Variants in ZHX2 observed in about 807,000 individuals in gnomAD.
The protein encoded by ZHX2 is zinc fingers and homeoboxes protein 2.
ZHX2 carries 6 observed loss-of-function variants against 21.9 expected under a neutral mutation model. The observed-to-expected ratio is 0.27, with a 90% CI of 0.15 to 0.54. The LOEUF (loss-of-function observed/expected upper bound fraction) is 0.54, where lower values mean the gene tolerates loss of function less well. Among genes scored for constraint, ZHX2 ranks in the 20% least tolerant of loss-of-function variants. ZHX2 has a pLI of 0.95. For synonymous variants in ZHX2, 434 were observed against 437.1 expected, an observed-to-expected ratio of 0.99 and a Z score of 0.09; for missense variants, 908 against 1,090.7, an observed-to-expected ratio of 0.83 and a Z score of 2.36.
chr8:122,839,702 C>A (rs185015133), intron 1 of ZHX2, among the ~76,000 whole-genome samples: 1 of 152,214 alleles, frequency 6.6e-6, no homozygotes, highest in East Asian at 1.9e-4. Context: ...TATGGTGGCA[C>A]GGGGTGGCAT....
At chr8:122,891,819 A>AGAGTT (rs1321157908) in intron 2 of ZHX2, among the ~76,000 whole-genome samples, 2 of 152,166 alleles carry the variant, frequency 1.3e-5, no homozygotes, top group African/African-American at 2.4e-5. Context: ...AAACTTATCG[A>AGAGTT]GAGTTGTTTT....
chr8:122,841,812 A>G (rs1311581304), intron 1 of ZHX2, among the ~76,000 whole-genome samples: 1 of 152,192 alleles, frequency 6.6e-6, no homozygotes, highest in Non-Finnish European at 1.5e-5. Context: ...GTGTGAGATC[A>G]GATGTTATCC....
At chr8:122,894,214 T>C (rs1820044120) in intron 2 of ZHX2, among the ~76,000 whole-genome samples, 1 of 152,238 alleles carries the variant, frequency 6.6e-6, no homozygotes, top group Non-Finnish European at 1.5e-5. Flanking sequence ...CACTAGGTGC[T>C]AGGCAATGCC....
At chr8:122,839,863 A>T (rs1818587845) in intron 1 of ZHX2, among the ~76,000 whole-genome samples, 1 of 152,154 alleles carries the variant, frequency 6.6e-6, no homozygotes, top group African/African-American at 2.4e-5. Flanking sequence ...AATCTTTTAA[A>T]CTTTGTGTTG....
Position 122,840,494 on chromosome 8 carries a change from G to C in ZHX2, c.-282-22983G>C, listed in dbSNP as rs142712572. On this transcript the variant is annotated intron_variant, in intron 1 of 3. Transcript: ENST00000314393. ...AGGGCCGTTGTGAAGATTAACCATT[G>C]TGATGAGTGCTTGTCATTACATTGC... Among the ~76,000 whole-genome samples, 230 of 152,342 alleles carry C rather than the reference G, an allele frequency of 1.5e-3. 2 individuals are homozygous for C. The highest frequency in any genetic ancestry group is 5.3e-3 in the African/African-American group (222 of 41,582).
At chr8:122,935,817 G>C (rs930794359) in intron 2 of ZHX2, among the ~76,000 whole-genome samples, 1 of 152,138 alleles carries the variant, frequency 6.6e-6, no homozygotes, top group Non-Finnish European at 1.5e-5. Context: ...TTACAGGTGT[G>C]AGCCACCACG....
At position 122,954,037 on chromosome 8, in the gene ZHX2, A is replaced by G. The variant is rs1419714257; in HGVS notation, c.*4+9A>G. On this transcript the variant is annotated intron_variant, in intron 3 of 3. Coordinates refer to ENST00000314393, the MANE Select transcript of ZHX2 (RefSeq NM_014943.5). ...TGGCCAGGCCTAGACAGGTAATTCC[A>G]CCTGCTCACCCAGGCAGCAGGGGAG... The G allele has an allele frequency of 6.4e-7, 1 of 1,563,786 alleles. No individual in the cohort carries two copies.
At chr8:122,851,215 T>G (rs992705150) in intron 1 of ZHX2, among the ~76,000 whole-genome samples, 3 of 151,736 alleles carry the variant, frequency 2.0e-5, no homozygotes, top group Non-Finnish European at 1.5e-5. Flanking sequence ...TAAAATGAAG[T>G]GTGAGAGAAA....
intron 2 of ZHX2, among the ~76,000 whole-genome samples, chr8:122,947,818 AG>A (rs1329355556): frequency 4.0e-5 from 6 of 148,548 alleles, no homozygotes; most frequent in Admixed American, 4.0e-4. Context: ...GGGCGGCGGG[AG>A]AGGGGAGCCG....
chr8:122,845,711 C>A (rs375586742), intron 1 of ZHX2, among the ~76,000 whole-genome samples: 12 of 152,202 alleles, frequency 7.9e-5, no homozygotes, highest in African/African-American at 2.4e-4. Context: ...TGTCCCCACT[C>A]CTGGTGGCCC....
chr8:122,855,227 T>C (rs1818998862), intron 1 of ZHX2, among the ~76,000 whole-genome samples: 1 of 152,212 alleles, frequency 6.6e-6, no homozygotes, highest in African/African-American at 2.4e-5. Flanking sequence ...GGGTGATGCA[T>C]GTAAATGACG....
At chr8:122,861,421 C>T (rs569084492) in intron 1 of ZHX2, among the ~76,000 whole-genome samples, 7 of 152,284 alleles carry the variant, frequency 4.6e-5, no homozygotes, top group Admixed American at 1.3e-4. Flanking sequence ...AACATAATGA[C>T]TCACTGATAA....
chr8:122,905,998 G>A (rs945848423), intron 2 of ZHX2, among the ~76,000 whole-genome samples: 20 of 152,180 alleles, frequency 1.3e-4, no homozygotes, highest in Admixed American at 9.8e-4. Context: ...GTAGTTTCCT[G>A]CAAGAACAGA....
intron 2 of ZHX2, among the ~76,000 whole-genome samples, chr8:122,874,535 G>A (rs1226718070): frequency 6.6e-6 from 1 of 152,090 alleles, no homozygotes; most frequent in Non-Finnish European, 1.5e-5. Context: ...GTTTCACCAC[G>A]ATGGCCAGGC....
rs1680162122 is a variant in ZHX2, at chr8:122,828,931, A to G, written c.-282-34546A>G. On this transcript the variant is annotated intron_variant, in intron 1 of 3. Coordinates refer to ENST00000314393, the MANE Select transcript of ZHX2 (RefSeq NM_014943.5). The surrounding 1 kb of genome is among the most constrained non-coding windows in gnomAD (Gnocchi z 5.2). ...TATTTATCCACTACAAATTGAAGAA[A>G]TTGATCTTTTTTTCAGTTATTAAAA... is the stretch of plus-strand genomic sequence containing the variant. Among the ~76,000 whole-genome samples, 1 of 152,218 alleles carries G rather than the reference A, an allele frequency of 6.6e-6. No homozygotes were observed. Among genetic ancestry groups the G allele is most frequent in the African/African-American group, 2.4e-5 (1 of 41,454 alleles).
intron 2 of ZHX2, among the ~76,000 whole-genome samples, chr8:122,888,444 A>G (rs187735254): frequency 1.3e-5 from 2 of 152,244 alleles, no homozygotes; most frequent in East Asian, 1.9e-4. Context: ...TAGCTATTCA[A>G]AAATATACAA....
At chr8:122,925,635 G>T (rs1446858665) in intron 2 of ZHX2, among the ~76,000 whole-genome samples, 1 of 152,184 alleles carries the variant, frequency 6.6e-6, no homozygotes, top group Non-Finnish European at 1.5e-5. Flanking sequence ...TTGATAGGAA[G>T]ATTTTGGAGA....
intron 1 of ZHX2, among the ~76,000 whole-genome samples, chr8:122,832,704 G>T (rs1586594111): frequency 6.6e-6 from 1 of 152,264 alleles, no homozygotes; most frequent in Non-Finnish European, 1.5e-5. Context: ...AGAAAAGAGA[G>T]AATTTCTTGC....
intron 2 of ZHX2, among the ~76,000 whole-genome samples, chr8:122,886,093 G>A (rs925552330): frequency 1.1e-4 from 16 of 152,200 alleles, no homozygotes; most frequent in African/African-American, 3.9e-4. Flanking sequence ...CCCTTCAGTA[G>A]GTGAATGGAT....
Sources: gnomAD v4.1 joint callset for allele counts (sites outside exome capture counted in the v4.1 genomes callset) on GRCh38, gnomAD v4.1.1 for gene constraint, Gnocchi (gnomAD v3.1) non-coding constraint, MANE v1.5 for transcripts, NCBI Gene and HGNC (gene_info 2026-07-23, HGNC 2026-07-21) for gene names.